PYGO1: variants seen among roughly 807,000 people sequenced by gnomAD.
PYGO1 encodes pygopus family PHD finger 1, also known as pygopus homolog 1.
Under a neutral mutation model 29.5 loss-of-function variants are expected in PYGO1, and 6 were observed. The observed-to-expected ratio is 0.20, with a 90% CI of 0.11 to 0.40. The LOEUF (loss-of-function observed/expected upper bound fraction) is 0.40, where lower values mean the gene tolerates loss of function less well. PYGO1 is among the 10% of genes least tolerant of loss of function. The probability of loss-of-function intolerance (pLI) is 1.00; values close to 1 mark genes in which losing one functional copy is unlikely to be tolerated. For synonymous variants in PYGO1, 186 were observed against 180.5 expected (o/e 1.03, Z -0.24); for missense variants, 515 against 514.9 (o/e 1.00, Z 0.00).
chr15:55,563,661 C>G (rs926531079), intron 1 of PYGO1, among the ~76,000 whole-genome samples: 1 of 152,100 alleles, frequency 6.6e-6, no homozygotes, highest in Non-Finnish European at 1.5e-5. Context: ...CAAATAAATT[C>G]TTTAGTGGAG....
intron 1 of PYGO1, among the ~76,000 whole-genome samples, chr15:55,585,010 G>C (rs563637307): frequency 6.6e-6 from 1 of 152,300 alleles, no homozygotes; most frequent in East Asian, 1.9e-4. Context: ...TGATTCCGTA[G>C]ATCCACGAAT....
intron 1 of PYGO1, among the ~76,000 whole-genome samples, chr15:55,566,693 CTA>C (rs1031991323): frequency 1.3e-5 from 2 of 152,172 alleles, no homozygotes; most frequent in African/African-American, 2.4e-5. Context: ...CACCAACAGT[CTA>C]TGTGCATTCC....
At chr15:55,548,635 G>A (rs2058863400) in intron 2 of PYGO1, among the ~76,000 whole-genome samples, 1 of 144,008 alleles carries the variant, frequency 6.9e-6, no homozygotes, top group Non-Finnish European at 1.5e-5. Flanking sequence ...CAACCTGGGA[G>A]GTGGAGGTTG....
rs1318947534 is a variant in PYGO1 at position 55,544,413 on chromosome 15, A to G, written c.*1610T>C. The G allele has an allele frequency of 6.6e-6, 1 of 152,212 alleles. No individual in the cohort carries two copies. The highest frequency in any genetic ancestry group is 1.5e-5 in the Non-Finnish European group (1 of 68,032). The allele number at this position is 152,212 out of a possible 1,614,324, so 9.4% of individuals were successfully genotyped here. ...AGCTCCAAATGATAGACAGTAGTCC[A>G]TGGAATAAAGGTCCAGTGACTAAAA... On this transcript the variant is annotated 3_prime_UTR_variant, in exon 3 of 3. Coordinates refer to ENST00000563719, the MANE Select transcript of PYGO1 (RefSeq NM_001367806.1).
chr15:55,542,148 C>T lies in PYGO1; in HGVS notation c.*3875G>A, dbSNP rs556313543. On this transcript the variant is annotated 3_prime_UTR_variant, in exon 3 of 3. Transcript: ENST00000563719. ...ATTTTCTTACTATTAAATACAATTACTATAGTACATTGAACAATAAGTGCT... is the reference window on the plus strand; with the variant it reads ...ATTTTCTTACTATTAAATACAATTATTATAGTACATTGAACAATAAGTGCT... The T allele has an allele frequency of 6.6e-6, 1 of 152,270 alleles. No homozygotes were observed. Among genetic ancestry groups the T allele is most frequent in the South Asian group, 2.1e-4 (1 of 4,826 alleles). 9.4% of individuals were successfully genotyped at this position (152,270 alleles called of 1,614,324 possible).
chr15:55,559,201 AC>A (rs1420264884), intron 1 of PYGO1, among the ~76,000 whole-genome samples: 2 of 152,242 alleles, frequency 1.3e-5, no homozygotes, highest in Non-Finnish European at 2.9e-5. Context: ...AAAAGAAGAC[AC>A]TATGCAGCCA....
chr15:55,584,838 A>G (rs2059039959), intron 1 of PYGO1, among the ~76,000 whole-genome samples: 1 of 152,226 alleles, frequency 6.6e-6, no homozygotes. Flanking sequence ...TTGTTAAAAT[A>G]TAAGGACAGT....
rs368845891 is a variant in PYGO1, at chr15:55,576,760, C to A, written c.49+11075G>T. On this transcript the variant is annotated intron_variant, in intron 1 of 2. Coordinates refer to ENST00000563719, the MANE Select transcript of PYGO1 (RefSeq NM_001367806.1). ...CTGCACTCCAGCCTGGGCGACAGAT[C>A]AAAAAAAAGAAGTGGGGGAAAAGAT... Among the ~76,000 whole-genome samples, 138 of 53,556 alleles carry A rather than the reference C, an allele frequency of 2.6e-3. 4 individuals are homozygous for A. The highest frequency in any genetic ancestry group is 6.3e-3 in the African/African-American group (100 of 15,846). The allele number at this position is 53,556 out of a possible 152,430, so 35.1% of individuals were successfully genotyped here. A position where few individuals can be genotyped will look rare whatever the true frequency, so the allele number is the denominator to read the frequency against.
chr15:55,577,058 T>C (rs1177211214), intron 1 of PYGO1, among the ~76,000 whole-genome samples: 2 of 152,008 alleles, frequency 1.3e-5, no homozygotes, highest in African/African-American at 4.8e-5. Context: ...GGAAGAGTTC[T>C]GTTGAATTTC....
chr15:55,552,361 C>CAAAAAAA (rs56789656), intron 1 of PYGO1, among the ~76,000 whole-genome samples: 11 of 52,996 alleles, frequency 2.1e-4, no homozygotes, highest in African/African-American at 4.6e-4. Context: ...ACTCTGTCTC[C>CAAAAAAA]AAAAAAAAAA....
intron 1 of PYGO1, among the ~76,000 whole-genome samples, chr15:55,577,587 GGTTTTTGTTTTTAAAAC>G (rs1278348844): frequency 3.3e-3 from 5 of 1,532 alleles, no homozygotes; most frequent in Middle Eastern, 0.5. Context: ...TCTAAAACTA[GGTTTTTGTTTTTAAAAC>G]TAGGTTTTTG....
At chr15:55,577,348 T>G (rs769656761) in intron 1 of PYGO1, among the ~76,000 whole-genome samples, 77 of 152,198 alleles carry the variant, frequency 5.1e-4, no homozygotes, top group Non-Finnish European at 1.0e-3. Flanking sequence ...ATGTCTCACG[T>G]CTACCTAAAA....
At chr15:55,575,492 A>G (rs1003554992) in intron 1 of PYGO1, among the ~76,000 whole-genome samples, 2 of 135,144 alleles carry the variant, frequency 1.5e-5, no homozygotes, top group East Asian at 5.0e-4. Context: ...CAATGCATAC[A>G]AATACAAAGA....
Position 55,546,403 on chromosome 15 carries a change from C to T in PYGO1, c.880G>A (p.Ala294Thr). ...CCATTTGCAGGGTTATTGTTTGTGG[C>T]TTCAGTGCTACTTGAACGGCTGTTC... is the stretch of plus-strand genomic sequence containing the variant. ...QENSRSSSTEATNNNPANGTQ... is the reference protein window; with the variant it reads ...QENSRSSSTETTNNNPANGTQ... Residue 294 changes from alanine (A) to threonine (T), a missense_variant, in exon 3 of 3, where the codon GCC becomes ACC. Transcript: ENST00000563719. 1.2e-6 allele frequency: 2 copies of T among 1,614,178 alleles called. No homozygotes were observed. Among genetic ancestry groups the T allele is most frequent in the Non-Finnish European group, 1.7e-6 (2 of 1,180,026 alleles).
intron 1 of PYGO1, among the ~76,000 whole-genome samples, chr15:55,551,865 G>C (rs1002368813): frequency 1.3e-5 from 2 of 152,014 alleles, no homozygotes; most frequent in African/African-American, 2.4e-5. Context: ...AAATGCAGCA[G>C]AATATTCAAA....
chr15:55,548,707 T>A (rs1427511063), intron 2 of PYGO1, among the ~76,000 whole-genome samples: 3 of 55,432 alleles, frequency 5.4e-5, no homozygotes, highest in Non-Finnish European at 9.0e-5. Flanking sequence ...AGAATCCACC[T>A]AAAAAAAAAA....
At chr15:55,562,953 T>A (rs970529209) in intron 1 of PYGO1, among the ~76,000 whole-genome samples, 2 of 151,634 alleles carry the variant, frequency 1.3e-5, no homozygotes, top group African/African-American at 4.8e-5. Context: ...TGAGAACACA[T>A]GGACACATTG....
At chr15:55,579,592 T>A (rs1189366628) in intron 1 of PYGO1, among the ~76,000 whole-genome samples, 1 of 152,172 alleles carries the variant, frequency 6.6e-6, no homozygotes, top group Non-Finnish European at 1.5e-5. Context: ...CACAACTCAC[T>A]GCAACCTTGA....
rs2058835464 is a variant in PYGO1 at position 55,543,159 on chromosome 15, G to C, written c.*2864C>G. ...TACCAAAAAAGGTACAATTCCACCTGTGTTTTTTTCCATCACTGCATATTT... is the reference window on the plus strand; with the variant it reads ...TACCAAAAAAGGTACAATTCCACCTCTGTTTTTTTCCATCACTGCATATTT... On this transcript the variant is annotated 3_prime_UTR_variant, in exon 3 of 3. Coordinates refer to ENST00000563719, the MANE Select transcript of PYGO1 (RefSeq NM_001367806.1). 6.6e-6 allele frequency: 1 copy of C among 152,158 alleles called. No individual in the cohort carries two copies. Among genetic ancestry groups the C allele is most frequent in the East Asian group, 1.9e-4 (1 of 5,168 alleles). The allele number at this position is 152,158 out of a possible 1,614,324, so 9.4% of individuals were successfully genotyped here.
Sources: allele counts gnomAD v4.1 joint callset (sites outside exome capture counted in the v4.1 genomes callset), GRCh38; gene constraint gnomAD v4.1.1; transcripts MANE v1.5; gene names NCBI Gene and HGNC (gene_info 2026-07-23, HGNC 2026-07-21).